The following RNF220 variants were observed in gnomAD, a reference collection of about 807,000 sequenced individuals.
RNF220 encodes ring finger protein 220.
RNF220 carries 7 observed loss-of-function variants against 67.1 expected under a neutral mutation model. The observed-to-expected ratio is 0.10, with a 90% CI of 0.06 to 0.20. The LOEUF is 0.20. Among genes scored for constraint, RNF220 ranks in the 10% least tolerant of loss-of-function variants. The probability of loss-of-function intolerance (pLI) is 1.00; values close to 1 mark genes in which losing one functional copy is unlikely to be tolerated. For synonymous variants in RNF220, 270 were observed against 283.2 expected (o/e 0.95, Z 0.47); for missense variants, 565 against 740.3 (o/e 0.76, Z 2.75).
intron 2 of RNF220, among the ~76,000 whole-genome samples, chr1:44,564,716 C>T (rs934840605): frequency 1.4e-5 from 2 of 148,060 alleles, no homozygotes; most frequent in African/African-American, 2.5e-5. Flanking sequence ...GGCACCATTG[C>T]ACTCCAGCCT....
chr1:44,424,957 C>T (rs886808403), intron 2 of RNF220, among the ~76,000 whole-genome samples: 2 of 152,222 alleles, frequency 1.3e-5, no homozygotes, highest in African/African-American at 4.8e-5. Flanking sequence ...GCTTTGCCAG[C>T]CTCCTCTGTC....
rs74732699 is a variant in RNF220 at position 44,456,335 on chromosome 1, T to C, written c.625+43613T>C. Among the ~76,000 whole-genome samples the C allele has an allele frequency of 2.1e-3, 314 of 152,294 alleles. 6 individuals carry two copies. The East Asian group carries it at 0.054, about 26-fold the overall frequency. On this transcript the variant is annotated intron_variant, in intron 2 of 14. Coordinates refer to ENST00000361799, the MANE Select transcript of RNF220 (RefSeq NM_018150.4). ...GTCTTTTCCCTTCAGATTATATGAA[T>C]TTTGTGCATGGCTTTCACATTACAT...
intron 2 of RNF220, among the ~76,000 whole-genome samples, chr1:44,583,215 G>GAT (rs35343175): frequency 0.01 from 1,502 of 148,930 alleles, 21 homozygotes; most frequent in African/African-American, 0.021. Context: ...TCCAGAAGCA[G>GAT]ATATATATAT....
intron 2 of RNF220, among the ~76,000 whole-genome samples, chr1:44,515,531 T>C (rs1019299568): frequency 4.6e-5 from 7 of 152,242 alleles, no homozygotes; most frequent in African/African-American, 1.7e-4. Flanking sequence ...GAACCATTTA[T>C]TTGTCCCAAC....
At chr1:44,589,004 T>C (rs1043743014) in intron 2 of RNF220, among the ~76,000 whole-genome samples, 5 of 152,362 alleles carry the variant, frequency 3.3e-5, no homozygotes, top group African/African-American at 1.2e-4. Flanking sequence ...GACAAGGCTG[T>C]GTCTTCTCTC....
intron 6 of RNF220, 70 bp from the exon 7 acceptor site, chr1:44,635,475 C>G (rs1173667530): frequency 7.6e-6 from 12 of 1,579,402 alleles, no homozygotes; most frequent in Non-Finnish European, 1.0e-5. Flanking sequence ...TGTGTCAGCT[C>G]CACTGGGACC....
intron 2 of RNF220, among the ~76,000 whole-genome samples, chr1:44,525,852 G>A (rs1483737085): frequency 6.6e-6 from 1 of 152,048 alleles, no homozygotes; most frequent in Non-Finnish European, 1.5e-5. Flanking sequence ...CAATTTCTTC[G>A]TCTCAAAAAT....
chr1:44,481,544 G>A (rs1449319014), intron 2 of RNF220, among the ~76,000 whole-genome samples: 1 of 152,172 alleles, frequency 6.6e-6, no homozygotes, highest in Non-Finnish European at 1.5e-5. Context: ...TTGGGAGCTG[G>A]AGGTTGAGCG....
chr1:44,630,858 C>A (rs2148469084), intron 5 of RNF220, among the ~76,000 whole-genome samples: 1 of 152,322 alleles, frequency 6.6e-6, no homozygotes, highest in South Asian at 2.1e-4. Flanking sequence ...GCAAGGCAGA[C>A]AGGGAAGGCC....
At chr1:44,408,704 T>C in intron 1 of RNF220, 1 of 152,238 alleles carries the variant, frequency 6.6e-6, no homozygotes, top group Non-Finnish European at 1.5e-5. Flanking sequence ...AACTGTCACC[T>C]GTTGTAATAA....
chr1:44,409,131 T>TGCCTGCCAGAC lies in RNF220; in HGVS notation c.-117-2850_-117-2849insGCCTGCCAGAC, dbSNP rs1301092433. Among the ~76,000 whole-genome samples, 618 of 152,306 alleles carry TGCCTGCCAGAC rather than the reference T, an allele frequency of 4.1e-3. 11 individuals are homozygous for TGCCTGCCAGAC. Among genetic ancestry groups the TGCCTGCCAGAC allele is most frequent in the African/African-American group, 0.014 (585 of 41,532 alleles). On this transcript the variant is annotated intron_variant, in intron 1 of 14. Transcript: ENST00000361799. Reference sequence around the variant, plus strand: ...TTAACCACGCAATTAGTAATCTCACTAATTATTCAGATAGCTGGCGTTTTG... The same window carrying TGCCTGCCAGAC: ...TTAACCACGCAATTAGTAATCTCACTGCCTGCCAGACAATTATTCAGATAGCTGGCGTTTTG...
At chr1:44,462,895 C>T (rs1204810210) in intron 2 of RNF220, among the ~76,000 whole-genome samples, 1 of 151,962 alleles carries the variant, frequency 6.6e-6, no homozygotes, top group Non-Finnish European at 1.5e-5. Context: ...GGTGAGGTGG[C>T]AGGCGCCTGT....
rs1009751098 is a variant in RNF220 at position 44,645,720 on chromosome 1, C to CGCCT, written c.1445+248_1445+251dup. ...TTGGCGGTGGGAGGAGCAGTCCACC[C>CGCCT]GCCTGCCTGCCTGCCTGCCCGCCTG... On this transcript the variant is annotated intron_variant, in intron 12 of 14. Coordinates refer to ENST00000361799, the MANE Select transcript of RNF220 (RefSeq NM_018150.4). The surrounding 1 kb of genome is among the most constrained non-coding windows in gnomAD (Gnocchi z 5.0). Among the ~76,000 whole-genome samples the CGCCT allele has an allele frequency of 5.3e-5, 8 of 152,164 alleles. No homozygotes were observed. The highest frequency in any genetic ancestry group is 2.1e-4 in the South Asian group (1 of 4,830).
intron 2 of RNF220, among the ~76,000 whole-genome samples, chr1:44,538,396 C>T (rs539464254): frequency 6.6e-6 from 1 of 152,232 alleles, no homozygotes; most frequent in South Asian, 2.1e-4. Flanking sequence ...TTGTTTTTGT[C>T]ATTTTCTTCT....
chr1:44,640,516 G>A (rs1269502540), intron 8 of RNF220, among the ~76,000 whole-genome samples: 3 of 152,252 alleles, frequency 2.0e-5, no homozygotes, highest in Non-Finnish European at 4.4e-5. Flanking sequence ...CAGAGGGAGT[G>A]CAGGCAGAAG....
intron 2 of RNF220, among the ~76,000 whole-genome samples, chr1:44,552,639 C>T (rs902434593): frequency 2.2e-4 from 26 of 119,678 alleles, no homozygotes; most frequent in Non-Finnish European, 3.9e-4. Context: ...TGCGCAATCT[C>T]GGCTCCCTGC....
At chr1:44,580,404 G>A (rs1665184071) in intron 2 of RNF220, among the ~76,000 whole-genome samples, 1 of 152,202 alleles carries the variant, frequency 6.6e-6, no homozygotes, top group Non-Finnish European at 1.5e-5. Flanking sequence ...GTTCAACTTA[G>A]AGAAAAGAAG....
At chr1:44,422,269 C>T (rs1263765533) in intron 2 of RNF220, among the ~76,000 whole-genome samples, 2 of 152,118 alleles carry the variant, frequency 1.3e-5, no homozygotes, top group East Asian at 1.9e-4. Flanking sequence ...GGCGCATGCT[C>T]GGCTGAGGAA....
intron 8 of RNF220, among the ~76,000 whole-genome samples, chr1:44,639,086 A>C (rs1644414175): frequency 1.3e-5 from 2 of 152,198 alleles, no homozygotes; most frequent in African/African-American, 4.8e-5. Flanking sequence ...GCAGTTAGGG[A>C]GAAAAGATGT....
Sources: allele counts gnomAD v4.1 joint callset (sites outside exome capture counted in the v4.1 genomes callset), GRCh38; gene constraint gnomAD v4.1.1; non-coding constraint Gnocchi (gnomAD v3.1); transcripts MANE v1.5; gene names NCBI Gene and HGNC (gene_info 2026-07-23, HGNC 2026-07-21).